NPAS3: variants seen among roughly 807,000 people sequenced by gnomAD.
The protein encoded by NPAS3 is neuronal PAS domain protein 3.
In NPAS3, 14 loss-of-function variants were observed where a neutral mutation model predicts 73.1. That is an observed-to-expected ratio of 0.19 (90% CI 0.13 to 0.30). The LOEUF is 0.30. Ranked by LOEUF, NPAS3 falls within the 10% of genes least tolerant of loss-of-function variation. The pLI, the probability that NPAS3 is intolerant of heterozygous loss-of-function variation, is 1.00. For synonymous variants in NPAS3, 620 were observed against 541.5 expected (o/e 1.14, Z -2.01); for missense variants, 1,096 against 1,250.0 (o/e 0.88, Z 1.86).
rs139550798 is a variant in NPAS3 at position 32,972,301 on chromosome 14, C to T, written c.50+32935C>T. On this transcript the variant is annotated intron_variant, in intron 1 of 11. Coordinates refer to ENST00000356141, the Ensembl canonical transcript of NPAS3. The stretch of plus-strand genomic sequence containing the variant: ...AGTAAAACATTGCCGGTACAATACT[C>T]ATTAAAAGCAAAGAAACTTGATGTT... Among the ~76,000 whole-genome samples, 889 of 152,156 alleles carry T rather than the reference C, an allele frequency of 5.8e-3. 11 individuals are homozygous for T. The highest frequency in any genetic ancestry group is 0.02 in the African/African-American group (820 of 41,494).
In NPAS3 at chr14:33,794,066, T is replaced by C. The variant is rs779734722; in HGVS notation, c.1301+22T>C. 4 of 1,599,056 alleles carry C rather than the reference T, an allele frequency of 2.5e-6. No homozygotes were observed. The Admixed American group carries it at 6.7e-5, about 27-fold the overall frequency. ...TTAGGTATATTTTCTACTTCTTTTCTATTTCTGTCCTGGTTATAAAATATG... is the reference window on the plus strand; with the variant it reads ...TTAGGTATATTTTCTACTTCTTTTCCATTTCTGTCCTGGTTATAAAATATG... On this transcript the variant is annotated intron_variant, in intron 10 of 11. Transcript: ENST00000356141.
At chr14:33,352,053 AC>A (rs553030450) in intron 3 of NPAS3, among the ~76,000 whole-genome samples, 3,160 of 151,788 alleles carry the variant, frequency 0.021, 45 homozygotes, top group South Asian at 0.038. Flanking sequence ...TAAAAAAAAA[AC>A]ATCTGCGGTT....
At chr14:33,115,042 T>C (rs116502504) in intron 2 of NPAS3, among the ~76,000 whole-genome samples, 1,834 of 152,272 alleles carry the variant, frequency 0.012, 39 homozygotes, top group African/African-American at 0.042. Context: ...AAAGGCATGA[T>C]AGACTAGAAT....
At chr14:32,976,639 C>T (rs1253337699) in intron 1 of NPAS3, among the ~76,000 whole-genome samples, 2 of 152,120 alleles carry the variant, frequency 1.3e-5, no homozygotes, top group Non-Finnish European at 1.5e-5. Flanking sequence ...TTTATTGTTC[C>T]TTAGTTGTTT....
At chr14:33,584,026 AC>A (rs1210433091) in intron 5 of NPAS3, among the ~76,000 whole-genome samples, 1 of 152,216 alleles carries the variant, frequency 6.6e-6, no homozygotes, top group Non-Finnish European at 1.5e-5. Flanking sequence ...TCTTTCTATT[AC>A]TAATGTAGAC....
intron 3 of NPAS3, among the ~76,000 whole-genome samples, chr14:33,358,684 T>A (rs1262308734): frequency 6.6e-6 from 1 of 152,242 alleles, no homozygotes; most frequent in Admixed American, 6.5e-5. Flanking sequence ...TAGACTCTGA[T>A]GATCTGGAGG....
chr14:33,717,220 T>G (rs2060980581), intron 6 of NPAS3, among the ~76,000 whole-genome samples: 1 of 133,832 alleles, frequency 7.5e-6, no homozygotes, highest in African/African-American at 2.8e-5. Context: ...TTTTTCCATC[T>G]GATCATGGCC....
chr14:33,528,335 G>C (rs2053893816), intron 4 of NPAS3, among the ~76,000 whole-genome samples: 1 of 151,820 alleles, frequency 6.6e-6, no homozygotes, highest in Non-Finnish European at 1.5e-5. Context: ...TATGTGAGAA[G>C]CCTCATGCCA....
In NPAS3 at chr14:33,609,613, T is replaced by A. The variant is rs149791193; in HGVS notation, c.558+49403T>A. On this transcript the variant is annotated intron_variant, in intron 5 of 11. Transcript: ENST00000356141. Reference sequence around the variant, plus strand: ...TCTCTTCTCGGTGGGCTTGGCAACATTAACATTAATGGGAGTTATAAGTGC... The same window carrying A: ...TCTCTTCTCGGTGGGCTTGGCAACAATAACATTAATGGGAGTTATAAGTGC... Among the ~76,000 whole-genome samples the A allele has an allele frequency of 3.2e-4, 49 of 152,218 alleles. No individual in the cohort carries two copies. The East Asian group carries it at 6.8e-3, about 21-fold the overall frequency.
At chr14:33,163,623 G>GTTTTTTTTTTTT (rs71448290) in intron 2 of NPAS3, among the ~76,000 whole-genome samples, 1 of 110,610 alleles carries the variant, frequency 9.0e-6, no homozygotes, top group African/African-American at 3.1e-5. Flanking sequence ...GTGTTTTGTT[G>GTTTTTTTTTTTT]TTTTTTTTTT....
At chr14:33,638,744 G>T (rs528478225) in intron 5 of NPAS3, among the ~76,000 whole-genome samples, 2 of 152,348 alleles carry the variant, frequency 1.3e-5, no homozygotes, top group South Asian at 4.1e-4. Flanking sequence ...CCACGTAACT[G>T]TTAGAGCAAG....
chr14:33,431,911 T>A (rs111527534), intron 4 of NPAS3, among the ~76,000 whole-genome samples: 4 of 152,272 alleles, frequency 2.6e-5, no homozygotes, highest in African/African-American at 9.6e-5. Flanking sequence ...AAAAATGATG[T>A]CACTCAGAAG....
intron 2 of NPAS3, among the ~76,000 whole-genome samples, chr14:33,062,359 AT>A (rs1370975407): frequency 6.6e-6 from 1 of 150,674 alleles, no homozygotes; most frequent in East Asian, 1.9e-4. Context: ...GTTGTTTTTT[AT>A]TGATAAATAT....
chr14:32,976,707 G>A (rs990741592), intron 1 of NPAS3, among the ~76,000 whole-genome samples: 1 of 152,212 alleles, frequency 6.6e-6, no homozygotes, highest in Non-Finnish European at 1.5e-5. Context: ...CATACACACA[G>A]AGCACAGCAA....
chr14:33,284,015 A>G (rs1054264167), intron 3 of NPAS3, among the ~76,000 whole-genome samples: 25 of 152,076 alleles, frequency 1.6e-4, no homozygotes, highest in Admixed American at 7.9e-4. Flanking sequence ...TTAATTCACC[A>G]TCCTTTTTCT....
chr14:33,432,584 T>C (rs2048828071), intron 4 of NPAS3, among the ~76,000 whole-genome samples: 1 of 152,188 alleles, frequency 6.6e-6, no homozygotes, highest in African/African-American at 2.4e-5. Context: ...ATTTCTCATG[T>C]TCTGTTTCAA....
chr14:32,972,576 T>C (rs2037480720), intron 1 of NPAS3, among the ~76,000 whole-genome samples: 1 of 152,262 alleles, frequency 6.6e-6, no homozygotes, highest in African/African-American at 2.4e-5. Flanking sequence ...GTACAGATGG[T>C]TGCCAAATTT....
intron 7 of NPAS3, among the ~76,000 whole-genome samples, chr14:33,757,998 GTTAA>G (rs1297625348): frequency 2.6e-5 from 4 of 152,176 alleles, no homozygotes; most frequent in Non-Finnish European, 5.9e-5. Context: ...CCTTATAAAG[GTTAA>G]TTAAACATTG....
chr14:33,800,055 C>T lies in NPAS3; in HGVS notation c.1748C>T (p.Ser583Leu), dbSNP rs1203934496. The change falls in exon 12 of 12, where the codon TCG (serine) becomes TTG (leucine). Residue 583 changes from serine to leucine, a missense_variant. Physicochemically the swap from Ser to Leu is moderately radical, Grantham distance 145 (BLOSUM62 -2). Coordinates refer to ENST00000356141, the Ensembl canonical transcript of NPAS3. This position sits in a 1 kb window ranked among gnomAD's most constrained non-coding sequence, Gnocchi z 6.5. ...CTCACGTCCGACAGCGCCAAGGACT[C>T]GGACAGCGCAGGCGAGGCGGGCGCG... 11 of 1,606,504 alleles carry T rather than the reference C, an allele frequency of 6.8e-6. No homozygotes were observed. The highest frequency in any genetic ancestry group is 9.3e-6 in the Non-Finnish European group (11 of 1,178,730).
Sources: allele counts gnomAD v4.1 joint callset (sites outside exome capture counted in the v4.1 genomes callset), GRCh38; gene constraint gnomAD v4.1.1; non-coding constraint Gnocchi (gnomAD v3.1); transcripts MANE v1.5; gene names NCBI Gene and HGNC (gene_info 2026-07-23, HGNC 2026-07-21).